Variants in LEKR1 observed in about 807,000 individuals in gnomAD.
LEKR1 encodes the protein protein LEKR1.
LEKR1 carries 59 observed loss-of-function variants against 72.4 expected under a neutral mutation model. The observed-to-expected ratio is 0.82, with a 90% CI of 0.66 to 1.01. LEKR1 has a LOEUF of 1.01. LEKR1 is among the 50% of genes least tolerant of loss of function. LEKR1 has a pLI of 0.00. For missense variants in LEKR1, 728 were observed against 759.2 expected, an observed-to-expected ratio of 0.96 and a Z score of 0.48; for synonymous variants, 257 against 263.2, an observed-to-expected ratio of 0.98 and a Z score of 0.23.
intron 6 of LEKR1, among the ~76,000 whole-genome samples, chr3:156,970,556 CGT>C (rs1729073799): frequency 1.3e-5 from 2 of 152,014 alleles, no homozygotes; most frequent in African/African-American, 4.8e-5. Context: ...TCAAATTGTC[CGT>C]GTTTGCAGAT....
chr3:156,877,552 G>T (rs942550602), intron 3 of LEKR1, among the ~76,000 whole-genome samples: 1 of 152,016 alleles, frequency 6.6e-6, no homozygotes, highest in African/African-American at 2.4e-5. Flanking sequence ...TGAGAGGGTT[G>T]TCTATTTCCA....
chr3:157,022,928 C>CA (rs1290172540), intron 10 of LEKR1, among the ~76,000 whole-genome samples: 1 of 152,168 alleles, frequency 6.6e-6, no homozygotes, highest in Non-Finnish European at 1.5e-5. Flanking sequence ...ACTGTATAAA[C>CA]ATAATTACAT....
intron 3 of LEKR1, among the ~76,000 whole-genome samples, chr3:156,894,018 A>G (rs1031861399): frequency 6.6e-6 from 1 of 152,200 alleles, no homozygotes; most frequent in African/African-American, 2.4e-5. Context: ...CAGGAGTTGG[A>G]AAGCAGTTTG....
At chr3:157,031,939 C>T (rs527495989) in intron 12 of LEKR1, among the ~76,000 whole-genome samples, 7 of 151,642 alleles carry the variant, frequency 4.6e-5, no homozygotes, top group African/African-American at 1.5e-4. Context: ...CAGCAAGGGT[C>T]GCAAAGCAGA....
At chr3:156,841,043 A>G (rs1402033002) in intron 2 of LEKR1, among the ~76,000 whole-genome samples, 1 of 152,210 alleles carries the variant, frequency 6.6e-6, no homozygotes, top group Non-Finnish European at 1.5e-5. Flanking sequence ...GTACAATGAC[A>G]TGATAAAAAA....
At chr3:156,848,955 G>C (rs1714973481) in intron 2 of LEKR1, among the ~76,000 whole-genome samples, 1 of 152,118 alleles carries the variant, frequency 6.6e-6, no homozygotes, top group Admixed American at 6.5e-5. Flanking sequence ...TAGGAAAAGA[G>C]GAAGTCAAAT....
intron 6 of LEKR1, among the ~76,000 whole-genome samples, chr3:156,961,511 A>G (rs1728131348): frequency 6.6e-6 from 1 of 152,218 alleles, no homozygotes; most frequent in Non-Finnish European, 1.5e-5. Flanking sequence ...TTTTATACAA[A>G]TAGAACCATA....
chr3:156,875,513 A>G (rs1256698654), intron 3 of LEKR1, among the ~76,000 whole-genome samples: 1 of 151,998 alleles, frequency 6.6e-6, no homozygotes, highest in African/African-American at 2.4e-5. Flanking sequence ...TTGCTGTGCA[A>G]AAGCTTTTTA....
rs557483023 is a variant in LEKR1, at chr3:157,021,302, T to G, written c.1204-3458T>G. Among the ~76,000 whole-genome samples the G allele has an allele frequency of 7.1e-3, 1,085 of 151,964 alleles. 20 individuals are homozygous for G. Among genetic ancestry groups the G allele is most frequent in the African/African-American group, 0.025 (1,041 of 41,494 alleles). On this transcript the variant is annotated intron_variant, in intron 10 of 12. Transcript: ENST00000356539. ...AGTTTAATTAGATCCCATTTGTCAATTTTGTCTTTTGTTGCCATTGCTTTT... is the reference window on the plus strand; with the variant it reads ...AGTTTAATTAGATCCCATTTGTCAAGTTTGTCTTTTGTTGCCATTGCTTTT...
At chr3:156,971,485 C>T (rs955556399) in intron 6 of LEKR1, among the ~76,000 whole-genome samples, 2 of 152,138 alleles carry the variant, frequency 1.3e-5, no homozygotes, top group Non-Finnish European at 2.9e-5. Flanking sequence ...GCAAAATTGA[C>T]AAATGGGATC....
intron 2 of LEKR1, among the ~76,000 whole-genome samples, chr3:156,847,858 C>G (rs766214603): frequency 1.3e-5 from 2 of 152,176 alleles, no homozygotes; most frequent in African/African-American, 2.4e-5. Flanking sequence ...AAAACCTATT[C>G]TCTAAAATGT....
Position 156,852,824 on chromosome 3 carries a change from T to C in LEKR1, c.105T>C (p.His35=). Residue 35 remains histidine, a synonymous_variant, in exon 3 of 13, where the codon CAT becomes CAC. Transcript: ENST00000356539. ...KYCGVSYLIL[H]EFKAMEEKVK... ...GTGGAGTCAGCTATCTAATTCTTCA[T>C]GAATTTAAGGCTATGGAAGAAAAAG... 6.5e-7 allele frequency: 1 copy of C among 1,535,326 alleles called. No homozygotes were observed. Among genetic ancestry groups the C allele is most frequent in the South Asian group, 1.2e-5 (1 of 83,904 alleles).
At chr3:156,848,455 G>A (rs1176663403) in intron 2 of LEKR1, among the ~76,000 whole-genome samples, 1 of 152,142 alleles carries the variant, frequency 6.6e-6, no homozygotes, top group Non-Finnish European at 1.5e-5. Context: ...TATGTTCACT[G>A]AGAGCAAGCA....
intron 7 of LEKR1, among the ~76,000 whole-genome samples, chr3:156,980,477 A>G (rs1325744202): frequency 3.9e-5 from 6 of 152,028 alleles, no homozygotes; most frequent in Admixed American, 3.9e-4. Flanking sequence ...GAATTGGTGG[A>G]CGGGGGTCCT....
chr3:156,992,989 C>A, intron 8 of LEKR1, 85 bp from the exon 9 acceptor site: 2 of 672,762 alleles, frequency 3.0e-6, no homozygotes, highest in Non-Finnish European at 2.4e-6. Flanking sequence ...TCTATAATTT[C>A]AAATGAGCTC....
chr3:156,966,978 G>T (rs1728668995), intron 6 of LEKR1, among the ~76,000 whole-genome samples: 1 of 152,168 alleles, frequency 6.6e-6, no homozygotes, highest in Non-Finnish European at 1.5e-5. Flanking sequence ...ACAAATATAT[G>T]CTGTTCTGCA....
chr3:156,907,154 A>G (rs1722607892), intron 3 of LEKR1, among the ~76,000 whole-genome samples: 1 of 152,126 alleles, frequency 6.6e-6, no homozygotes, highest in African/African-American at 2.4e-5. Context: ...TAAATAATGT[A>G]GGAAAGAAAA....
At chr3:156,853,915 T>C (rs1715703740) in intron 3 of LEKR1, among the ~76,000 whole-genome samples, 1 of 152,064 alleles carries the variant, frequency 6.6e-6, no homozygotes, top group African/African-American at 2.4e-5. Context: ...GGGATTCTTT[T>C]GTTTGGTGTA....
At chr3:157,043,546 G>A (rs1735524503) in intron 12 of LEKR1, among the ~76,000 whole-genome samples, 1 of 152,094 alleles carries the variant, frequency 6.6e-6, no homozygotes, top group African/African-American at 2.4e-5. Context: ...GCAGCATGGA[G>A]CAGGTCTCTG....
Sources: gnomAD v4.1 joint callset for allele counts (sites outside exome capture counted in the v4.1 genomes callset) on GRCh38, gnomAD v4.1.1 for gene constraint, MANE v1.5 for transcripts, NCBI Gene and HGNC (gene_info 2026-07-23, HGNC 2026-07-21) for gene names.